The following INTS9 variants were observed in gnomAD, a reference collection of about 807,000 sequenced individuals.
INTS9 encodes the protein protein related to CPSF subunits of 74 kDa.
A neutral mutation model predicts 79.7 loss-of-function variants in INTS9; 55 were observed. That is an observed-to-expected ratio of 0.69 (90% CI 0.56 to 0.86). The LOEUF (loss-of-function observed/expected upper bound fraction) is 0.86. Ranked by LOEUF, INTS9 falls within the 40% of genes least tolerant of loss-of-function variation. INTS9 has a pLI of 0.00. For synonymous variants in INTS9, 319 were observed against 325.2 expected, an observed-to-expected ratio of 0.98 and a Z score of 0.20; for missense variants, 721 against 831.5, an observed-to-expected ratio of 0.87 and a Z score of 1.64.
At chr8:28,773,218 C>T (rs1003021373) in intron 14 of INTS9, among the ~76,000 whole-genome samples, 3 of 152,160 alleles carry the variant, frequency 2.0e-5, no homozygotes, top group Non-Finnish European at 2.9e-5. Flanking sequence ...AATCCCAGCA[C>T]TCTGGGAGGC....
chr8:28,800,338 G>T (rs547797492), intron 8 of INTS9, among the ~76,000 whole-genome samples: 1 of 152,336 alleles, frequency 6.6e-6, no homozygotes, highest in East Asian at 1.9e-4. Flanking sequence ...GCAGGGCAAG[G>T]CAGCATGCAT....
intron 16 of INTS9, 117 bp downstream of exon 16, chr8:28,769,772 A>G (rs1354218751): frequency 6.8e-6 from 9 of 1,332,034 alleles, no homozygotes; most frequent in African/African-American, 1.4e-5. Flanking sequence ...ATGCCACAGG[A>G]CAGTGGGGAC....
chr8:28,824,474 C>A (rs922222772), intron 6 of INTS9, among the ~76,000 whole-genome samples: 2 of 152,188 alleles, frequency 1.3e-5, no homozygotes. Context: ...CTGTCTTCTA[C>A]ATTTTGAGTG....
At chr8:28,832,757 T>A (rs553675708) in intron 6 of INTS9, among the ~76,000 whole-genome samples, 1 of 150,198 alleles carries the variant, frequency 6.7e-6, no homozygotes, top group South Asian at 2.1e-4. Context: ...AAGTCAGGAG[T>A]TCAAGACCAG....
At chr8:28,829,567 A>C (rs984692586) in intron 6 of INTS9, among the ~76,000 whole-genome samples, 3 of 152,154 alleles carry the variant, frequency 2.0e-5, no homozygotes, top group Non-Finnish European at 4.4e-5. Context: ...GAAAGTTTCT[A>C]ATTTACTGTT....
intron 8 of INTS9, among the ~76,000 whole-genome samples, chr8:28,808,725 A>G (rs555975489): frequency 1.3e-5 from 2 of 152,304 alleles, no homozygotes; most frequent in African/African-American, 4.8e-5. Flanking sequence ...TTTTCTGAAG[A>G]CAGTGGGCAT....
At chr8:28,807,225 T>C (rs1362867895) in intron 8 of INTS9, among the ~76,000 whole-genome samples, 1 of 152,196 alleles carries the variant, frequency 6.6e-6, no homozygotes. Context: ...GCCAAAATTC[T>C]GGCACAATTT....
intron 6 of INTS9, among the ~76,000 whole-genome samples, chr8:28,828,734 T>C (rs1290146684): frequency 1.3e-5 from 2 of 152,256 alleles, no homozygotes; most frequent in South Asian, 4.2e-4. Flanking sequence ...GTTTTGCTCT[T>C]GTTGCCCAGA....
At position 28,846,764 on chromosome 8, in the gene INTS9, C is replaced by T; in HGVS notation, c.244G>A (p.Glu82Lys). ...SGHVFVDSVP[E>K]FCLPETELID... ...AATCTTACCTCTGGTAAACAGAATT[C>T]CGGCACAGAATCCACAAATACATGA... The change falls in exon 4 of 17, where the codon GAA becomes AAA. Residue 82 changes from glutamate (E) to lysine (K), a missense_variant. Transcript: ENST00000521022. 6.2e-7 allele frequency: 1 copy of T among 1,613,332 alleles called. No homozygotes were observed.
At chr8:28,861,012 T>C (rs1026460187) in intron 1 of INTS9, among the ~76,000 whole-genome samples, 1 of 152,256 alleles carries the variant, frequency 6.6e-6, no homozygotes, top group East Asian at 1.9e-4. Flanking sequence ...GCCAAGAAGT[T>C]GTATTTTGCA....
At chr8:28,786,449 C>T (rs900583754) in intron 11 of INTS9, among the ~76,000 whole-genome samples, 26 of 152,116 alleles carry the variant, frequency 1.7e-4, no homozygotes, top group Admixed American at 1.7e-3. Flanking sequence ...TGCCACCACA[C>T]CGGGCTAATT....
intron 6 of INTS9, among the ~76,000 whole-genome samples, chr8:28,824,428 GCCCT>G (rs1412484438): frequency 6.6e-6 from 1 of 152,158 alleles, no homozygotes; most frequent in East Asian, 1.9e-4. Flanking sequence ...CTAGTGCAAG[GCCCT>G]GCCTGCCTGC....
intron 13 of INTS9, 27 bp downstream of exon 13, chr8:28,777,802 G>C: frequency 6.3e-7 from 1 of 1,576,516 alleles, no homozygotes; most frequent in Non-Finnish European, 8.6e-7. Context: ...ATGACTACGT[G>C]AAGGCACAAG....
At chr8:28,845,404 C>T (rs937480408) in intron 4 of INTS9, among the ~76,000 whole-genome samples, 4 of 152,154 alleles carry the variant, frequency 2.6e-5, no homozygotes, top group African/African-American at 9.7e-5. Context: ...AATTTGTGCC[C>T]TAACATCTTG....
chr8:28,825,968 A>G lies in INTS9; in HGVS notation c.488+9324T>C, dbSNP rs2131126354. Among the ~76,000 whole-genome samples the G allele has an allele frequency of 2.0e-5, 3 of 152,326 alleles. No homozygotes were observed. The South Asian group carries it at 6.2e-4, about 32-fold the overall frequency. On this transcript the variant is annotated intron_variant, in intron 6 of 16. Coordinates refer to ENST00000521022, the MANE Select transcript of INTS9 (RefSeq NM_018250.4). ...GGAAATCATAAACTTACGTTCTACA[A>G]TCAGAATGATGACAGAAACATCAGT...
intron 2 of INTS9, among the ~76,000 whole-genome samples, chr8:28,851,562 C>A (rs558043197): frequency 6.6e-6 from 1 of 151,864 alleles, no homozygotes; most frequent in Non-Finnish European, 1.5e-5. Flanking sequence ...CTCAGCCTCC[C>A]GAGTAGCTGG....
intron 6 of INTS9, among the ~76,000 whole-genome samples, chr8:28,834,183 T>C (rs1156999201): frequency 6.6e-6 from 1 of 152,218 alleles, no homozygotes; most frequent in African/African-American, 2.4e-5. Context: ...TTCAGCTTCA[T>C]GCTCACGGAT....
intron 1 of INTS9, among the ~76,000 whole-genome samples, chr8:28,882,313 A>G (rs1305902122): frequency 8.5e-6 from 1 of 117,510 alleles, no homozygotes; most frequent in Non-Finnish European, 2.1e-5. Flanking sequence ...GGACACAAAC[A>G]CTGCGGAAGG....
intron 1 of INTS9, among the ~76,000 whole-genome samples, chr8:28,866,970 C>CAAAAAAAAAAAAA (rs1455249386): frequency 2.8e-5 from 4 of 145,270 alleles, no homozygotes; most frequent in African/African-American, 7.7e-5. Context: ...GCGAAACTGT[C>CAAAAAAAAAAAAA]AAAAAAGAAA....
Sources: allele counts gnomAD v4.1 joint callset (sites outside exome capture counted in the v4.1 genomes callset), GRCh38; gene constraint gnomAD v4.1.1; transcripts MANE v1.5; gene names NCBI Gene and HGNC (gene_info 2026-07-23, HGNC 2026-07-21).